METTL15: variants seen among roughly 807,000 people sequenced by gnomAD.
The protein encoded by METTL15 is methyltransferase 15, mitochondrial 12S rRNA N4-cytidine.
Under a neutral mutation model 38.3 loss-of-function variants are expected in METTL15, and 34 were observed. The ratio of observed to expected loss-of-function variants is 0.89; its 90% confidence interval spans 0.68 to 1.18. The LOEUF (loss-of-function observed/expected upper bound fraction) is 1.18. Among genes scored for constraint, METTL15 ranks in the 50% most tolerant of loss-of-function variants. The pLI is 0.00. For synonymous variants in METTL15, 162 were observed against 170.9 expected (o/e 0.95, Z 0.41); for missense variants, 438 against 498.4 (o/e 0.88, Z 1.15).
intron 4 of METTL15, among the ~76,000 whole-genome samples, chr11:28,279,703 AG>A (rs1338108684): frequency 6.6e-6 from 1 of 152,168 alleles, no homozygotes; most frequent in African/African-American, 2.4e-5. Context: ...GTTCAAGACC[AG>A]CCTGGCCAAC....
intron 5 of METTL15, among the ~76,000 whole-genome samples, chr11:28,417,507 G>T (rs1340031985): frequency 6.6e-6 from 1 of 152,162 alleles, no homozygotes; most frequent in Non-Finnish European, 1.5e-5. Flanking sequence ...TTAGAATAAT[G>T]TCTTCTTAAG....
At chr11:28,122,083 A>T (rs1852263904) in intron 3 of METTL15, 2 of 1,035,858 alleles carry the variant, frequency 1.9e-6, no homozygotes, top group South Asian at 2.4e-5. Flanking sequence ...TAAAACTGTA[A>T]TGTGTATTAA....
At chr11:28,254,392 C>G (rs751699015) in intron 4 of METTL15, among the ~76,000 whole-genome samples, 4 of 152,128 alleles carry the variant, frequency 2.6e-5, no homozygotes, top group Non-Finnish European at 4.4e-5. Flanking sequence ...AATCCCTTGT[C>G]AGGTGGGTAG....
At chr11:28,500,421 G>T (rs1343472424) in intron 6 of METTL15, among the ~76,000 whole-genome samples, 7 of 152,320 alleles carry the variant, frequency 4.6e-5, no homozygotes, top group African/African-American at 1.7e-4. Context: ...AGGCTTGAGG[G>T]TGGTCCCAAT....
At chr11:28,426,498 A>G (rs931547110) in intron 6 of METTL15, among the ~76,000 whole-genome samples, 10 of 151,496 alleles carry the variant, frequency 6.6e-5, no homozygotes, top group African/African-American at 2.4e-4. Context: ...GAATCTCCAC[A>G]CTGTCTTCCA....
At chr11:28,294,884 A>G (rs547752488) in intron 5 of METTL15, among the ~76,000 whole-genome samples, 1 of 152,298 alleles carries the variant, frequency 6.6e-6, no homozygotes, top group South Asian at 2.1e-4. Flanking sequence ...GTTGAACAAA[A>G]TACTTTTTAA....
intron 5 of METTL15, among the ~76,000 whole-genome samples, chr11:28,379,223 G>T (rs1850355936): frequency 6.6e-6 from 1 of 151,474 alleles, no homozygotes; most frequent in Admixed American, 6.6e-5. Context: ...ATTCTGCTTT[G>T]ATTTTTATTA....
intron 4 of METTL15, among the ~76,000 whole-genome samples, chr11:28,283,855 C>A (rs896460139): frequency 1.3e-5 from 2 of 152,020 alleles, no homozygotes; most frequent in Admixed American, 1.3e-4. Flanking sequence ...TTTTCTGTTA[C>A]TTTTAACACT....
intron 5 of METTL15, among the ~76,000 whole-genome samples, chr11:28,387,496 A>G (rs2133389815): frequency 6.6e-6 from 1 of 152,130 alleles, no homozygotes; most frequent in South Asian, 2.1e-4. Context: ...CGAATTATAA[A>G]AAAATAAAAA....
Position 28,250,570 on chromosome 11 carries a change from A to ATTTTT in METTL15, c.407+39372_407+39373insTTTTT, listed in dbSNP as rs763326965. On this transcript the variant is annotated intron_variant, in intron 4 of 6. Transcript: ENST00000407364. Reference sequence around the variant, plus strand: ...TAGAAGTTACTCTCCTTTTTTTAAAAAAAAAAATGATGTTTTTCCTACATC... The same window carrying ATTTTT: ...TAGAAGTTACTCTCCTTTTTTTAAAATTTTTAAAAAAATGATGTTTTTCCTACATC... Among the ~76,000 whole-genome samples, 10 of 146,302 alleles carry ATTTTT rather than the reference A, an allele frequency of 6.8e-5. 1 individual carries two copies. Among genetic ancestry groups the ATTTTT allele is most frequent in the African/African-American group, 2.5e-4 (10 of 40,486 alleles).
At chr11:28,410,194 G>A (rs139594055) in intron 5 of METTL15, among the ~76,000 whole-genome samples, 38 of 152,186 alleles carry the variant, frequency 2.5e-4, no homozygotes, top group African/African-American at 8.9e-4. Flanking sequence ...ATACAAAGAA[G>A]AATGATTACC....
chr11:28,389,596 G>A (rs1466703968), intron 5 of METTL15, among the ~76,000 whole-genome samples: 1 of 151,944 alleles, frequency 6.6e-6, no homozygotes, highest in Non-Finnish European at 1.5e-5. Flanking sequence ...ATTCCATGTT[G>A]TATATGTGCC....
intron 6 of METTL15, among the ~76,000 whole-genome samples, chr11:28,448,322 C>G (rs1424471630): frequency 6.6e-6 from 1 of 152,216 alleles, no homozygotes; most frequent in Non-Finnish European, 1.5e-5. Context: ...ACTACATCCA[C>G]CTTCAGTTAG....
intron 6 of METTL15, among the ~76,000 whole-genome samples, chr11:28,312,150 G>A (rs183253897): frequency 1.3e-5 from 2 of 152,282 alleles, no homozygotes; most frequent in South Asian, 4.1e-4. Flanking sequence ...CATTAGCCAG[G>A]TGACATGTTA....
intron 3 of METTL15, among the ~76,000 whole-genome samples, chr11:28,350,041 G>A (rs1303720075): frequency 6.6e-6 from 1 of 152,146 alleles, no homozygotes; most frequent in African/African-American, 2.4e-5. Context: ...GTATTAGACA[G>A]GCTATTAGAT....
intron 4 of METTL15, among the ~76,000 whole-genome samples, chr11:28,236,201 C>T (rs967555832): frequency 7.9e-5 from 12 of 152,158 alleles, no homozygotes; most frequent in Admixed American, 2.6e-4. Context: ...CTGCTGTATT[C>T]GGTTTGCCAG....
At chr11:28,505,960 A>G (rs1012974215) in intron 6 of METTL15, among the ~76,000 whole-genome samples, 1 of 152,200 alleles carries the variant, frequency 6.6e-6, no homozygotes, top group Non-Finnish European at 1.5e-5. Context: ...GGTATAGTTA[A>G]GGAAATGATT....
chr11:28,445,101 C>T (rs1056388103), intron 6 of METTL15, among the ~76,000 whole-genome samples: 4 of 151,956 alleles, frequency 2.6e-5, no homozygotes, highest in African/African-American at 4.8e-5. Context: ...AGCAGGAGTC[C>T]GAGGCTGGCT....
At chr11:28,412,024 G>T (rs541965325) in intron 5 of METTL15, among the ~76,000 whole-genome samples, 5 of 152,114 alleles carry the variant, frequency 3.3e-5, no homozygotes, top group South Asian at 2.1e-4. Context: ...GGGAAATGCA[G>T]ATTAAAACCA....
Sources: gnomAD v4.1 joint callset for allele counts (sites outside exome capture counted in the v4.1 genomes callset) on GRCh38, gnomAD v4.1.1 for gene constraint, MANE v1.5 for transcripts, NCBI Gene and HGNC (gene_info 2026-07-23, HGNC 2026-07-21) for gene names.